The following CA10 variants were observed in gnomAD, a reference collection of about 807,000 sequenced individuals.
CA10 encodes the protein carbonic anhydrase-related protein 10.
In CA10, 14 loss-of-function variants were observed where a neutral mutation model predicts 44.2. The observed-to-expected ratio is 0.32, with a 90% confidence interval of 0.21 to 0.50. The LOEUF is 0.50. Ranked by LOEUF, CA10 falls within the 20% of genes least tolerant of loss-of-function variation. The pLI is 0.99. For missense variants in CA10, 350 were observed against 409.7 expected (o/e 0.85, Z 1.26); for synonymous variants, 159 against 141.6 (o/e 1.12, Z -0.87).
chr17:51,916,780 C>T (rs576393192), intron 3 of CA10, among the ~76,000 whole-genome samples: 3 of 152,254 alleles, frequency 2.0e-5, no homozygotes, highest in Non-Finnish European at 4.4e-5. Flanking sequence ...CAAGCCTATG[C>T]TCTCCCCTGC....
chr17:51,655,967 C>A (rs760764291), intron 4 of CA10, among the ~76,000 whole-genome samples: 3 of 152,196 alleles, frequency 2.0e-5, no homozygotes, highest in Non-Finnish European at 4.4e-5. Flanking sequence ...ATCCCCCCTC[C>A]CTTGTACCCC....
In CA10 at chr17:51,837,944, C is replaced by T. The variant is rs565758007; in HGVS notation, c.280-90126G>A. Reference sequence around the variant, plus strand: ...TGGATGATGAAAGCATTTGTACATTCTCAGACTCTGAAATCCTTACAGTGA... The same window carrying T: ...TGGATGATGAAAGCATTTGTACATTTTCAGACTCTGAAATCCTTACAGTGA... On this transcript the variant is annotated intron_variant, in intron 3 of 8. Coordinates refer to ENST00000451037, the MANE Select transcript of CA10 (RefSeq NM_020178.5). Among the ~76,000 whole-genome samples, 8 of 152,304 alleles carry T rather than the reference C, an allele frequency of 5.3e-5. No homozygotes were observed. The South Asian group carries it at 1.7e-3, about 32-fold the overall frequency.
At chr17:51,855,146 T>C (rs1333831197) in intron 3 of CA10, among the ~76,000 whole-genome samples, 1 of 152,168 alleles carries the variant, frequency 6.6e-6, no homozygotes, top group Non-Finnish European at 1.5e-5. Context: ...CTGGCAAAAT[T>C]ACTTTACTTT....
chr17:51,932,634 C>A (rs203092), intron 2 of CA10, among the ~76,000 whole-genome samples: 102,740 of 151,984 alleles, frequency 0.68, 35,080 homozygotes, highest in Non-Finnish European at 0.71. Flanking sequence ...TTTGAATTGG[C>A]TTTTTAGTCA....
intron 3 of CA10, among the ~76,000 whole-genome samples, chr17:51,907,524 C>A (rs1282264760): frequency 6.6e-6 from 1 of 152,038 alleles, no homozygotes; most frequent in East Asian, 1.9e-4. Context: ...CTGTTCCTGA[C>A]CAGATCCCTC....
intron 2 of CA10, among the ~76,000 whole-genome samples, chr17:52,025,248 G>A (rs1986265113): frequency 6.6e-6 from 1 of 152,096 alleles, no homozygotes; most frequent in Admixed American, 6.6e-5. Context: ...CTATATCAGG[G>A]CACCAGTGCC....
chr17:51,863,881 G>A (rs1301124888), intron 3 of CA10, among the ~76,000 whole-genome samples: 1 of 152,158 alleles, frequency 6.6e-6, no homozygotes, highest in Non-Finnish European at 1.5e-5. Flanking sequence ...AACCGGGAAA[G>A]CTCACCTGAG....
intron 1 of CA10, among the ~76,000 whole-genome samples, chr17:52,105,397 G>T (rs1988638508): frequency 6.6e-6 from 1 of 152,142 alleles, no homozygotes; most frequent in Non-Finnish European, 1.5e-5. Context: ...TGGGACTACA[G>T]GCGCCTGCCA....
intron 4 of CA10, among the ~76,000 whole-genome samples, chr17:51,669,202 C>T (rs1362396727): frequency 6.6e-5 from 10 of 152,242 alleles, no homozygotes; most frequent in Admixed American, 6.5e-4. Context: ...CAGCTGGGCT[C>T]CTGAGTCGGG....
chr17:52,048,301 T>G (rs1986969229), intron 2 of CA10, among the ~76,000 whole-genome samples: 1 of 152,006 alleles, frequency 6.6e-6, no homozygotes, highest in Non-Finnish European at 1.5e-5. Context: ...AAGGGGGCAG[T>G]GCTCTGCAGG....
At chr17:51,776,536 G>A (rs1905826857) in intron 3 of CA10, among the ~76,000 whole-genome samples, 1 of 152,006 alleles carries the variant, frequency 6.6e-6, no homozygotes, top group South Asian at 2.1e-4. Context: ...TATTTTACAT[G>A]CATTTTTAAT....
intron 2 of CA10, among the ~76,000 whole-genome samples, chr17:52,003,797 T>C (rs999841690): frequency 2.0e-5 from 3 of 151,916 alleles, no homozygotes; most frequent in Non-Finnish European, 4.4e-5. Context: ...CTGTTGACTT[T>C]TATCAGCTTT....
intron 3 of CA10, among the ~76,000 whole-genome samples, chr17:51,764,213 ACAGGCCCTTCACAAT>A (rs1324087451): frequency 6.6e-6 from 1 of 152,142 alleles, no homozygotes; most frequent in Non-Finnish European, 1.5e-5. Flanking sequence ...TAGTGGCACA[ACAGGCCCTTCACAAT>A]CAGGCTCTGA....
chr17:51,758,226 G>T (rs1905128726), intron 3 of CA10, among the ~76,000 whole-genome samples: 1 of 152,156 alleles, frequency 6.6e-6, no homozygotes, highest in African/African-American at 2.4e-5. Context: ...CACATGCACT[G>T]CTTATTATAT....
chr17:51,822,795 C>T (rs1444733860), intron 3 of CA10, among the ~76,000 whole-genome samples: 1 of 152,240 alleles, frequency 6.6e-6, no homozygotes, highest in East Asian at 1.9e-4. Flanking sequence ...GTTAGGCAGG[C>T]AGAAAAGGAG....
intron 2 of CA10, among the ~76,000 whole-genome samples, chr17:51,976,547 A>G (rs1180359282): frequency 6.6e-6 from 1 of 152,130 alleles, no homozygotes; most frequent in Non-Finnish European, 1.5e-5. Flanking sequence ...AAAATTACTG[A>G]ACATAAGGAA....
intron 3 of CA10, among the ~76,000 whole-genome samples, chr17:51,879,311 C>T (rs912826141): frequency 2.0e-5 from 3 of 152,102 alleles, no homozygotes; most frequent in African/African-American, 7.2e-5. Context: ...ACTGGGGAGA[C>T]AAATACTACA....
chr17:51,852,102 G>A (rs1978820937), intron 3 of CA10, among the ~76,000 whole-genome samples: 1 of 152,144 alleles, frequency 6.6e-6, no homozygotes, highest in African/African-American at 2.4e-5. Context: ...TTCCACCCAG[G>A]ACCCAGCCAG....
intron 3 of CA10, among the ~76,000 whole-genome samples, chr17:51,833,581 A>T (rs1218614279): frequency 6.6e-6 from 1 of 152,256 alleles, no homozygotes; most frequent in Non-Finnish European, 1.5e-5. Flanking sequence ...TTTAAAACAC[A>T]GAGCTGTGTT....
Sources: allele counts gnomAD v4.1 joint callset (sites outside exome capture counted in the v4.1 genomes callset), GRCh38; gene constraint gnomAD v4.1.1; transcripts MANE v1.5; gene names NCBI Gene and HGNC (gene_info 2026-07-23, HGNC 2026-07-21).